DENND4C: variants seen among roughly 807,000 people sequenced by gnomAD.
DENND4C encodes the protein DENN domain-containing protein 4C.
DENND4C carries 108 observed loss-of-function variants against 203.0 expected under a neutral mutation model. The observed-to-expected ratio is 0.53, with a 90% CI of 0.46 to 0.62. The LOEUF (loss-of-function observed/expected upper bound fraction) is 0.62, where lower values mean the gene tolerates loss of function less well. Ranked by LOEUF, DENND4C falls within the 20% of genes least tolerant of loss-of-function variation. The pLI, the probability that DENND4C is intolerant of heterozygous loss-of-function variation, is 0.00. For missense variants in DENND4C, 2,481 were observed against 2,301.2 expected, an observed-to-expected ratio of 1.08 and a Z score of -1.60; for synonymous variants, 871 against 792.4, an observed-to-expected ratio of 1.10 and a Z score of -1.67.
intron 10 of DENND4C, among the ~76,000 whole-genome samples, chr9:19,308,519 T>G (rs1840127887): frequency 6.6e-6 from 1 of 152,230 alleles, no homozygotes. Flanking sequence ...ATTGTTTGTC[T>G]TTTTCTTTTG....
intron 24 of DENND4C, among the ~76,000 whole-genome samples, chr9:19,351,626 G>A (rs181370634): frequency 2.2e-4 from 33 of 152,158 alleles, no homozygotes; most frequent in African/African-American, 7.9e-4. Context: ...GGGCAACACA[G>A]TGAAACCGTC....
chr9:19,282,049 A>C (rs1834154840), intron 2 of DENND4C, among the ~76,000 whole-genome samples: 1 of 152,180 alleles, frequency 6.6e-6, no homozygotes, highest in East Asian at 1.9e-4. Context: ...GTATACTACT[A>C]TAGACTTTAG....
At position 19,371,743 on chromosome 9, in the gene DENND4C, ATTTG is replaced by A; in HGVS notation, c.5676-9_5676-6del. The A allele has an allele frequency of 7.5e-7, 1 of 1,339,160 alleles. No individual in the cohort carries two copies. Among genetic ancestry groups the A allele is most frequent in the Non-Finnish European group, 1.0e-6 (1 of 955,178 alleles). 83.0% of individuals were successfully genotyped at this position (1,339,160 alleles called of 1,614,324 possible). On this transcript the variant is annotated splice_polypyrimidine_tract_variant and intron_variant, in intron 31 of 32. Coordinates refer to ENST00000434457, the MANE Select transcript of DENND4C (RefSeq NM_001330640.2). ...ATTTGCCCATTGACTTTTAAAACAT[ATTTG>A]TTTTATAGGAGTTTATACAGAGAAA... is the stretch of plus-strand genomic sequence containing the variant.
chr9:19,262,444 A>C (rs906399370), intron 1 of DENND4C, among the ~76,000 whole-genome samples: 1 of 121,412 alleles, frequency 8.2e-6, no homozygotes, highest in South Asian at 2.7e-4. Context: ...CAAATATATC[A>C]TATCTTTTTT....
At chr9:19,247,360 G>A (rs1164288418) in intron 1 of DENND4C, among the ~76,000 whole-genome samples, 1 of 152,150 alleles carries the variant, frequency 6.6e-6, no homozygotes, top group Non-Finnish European at 1.5e-5. Context: ...GCCTTGACAT[G>A]CCTTGACATC....
At chr9:19,310,533 A>G (rs575974122) in intron 10 of DENND4C, among the ~76,000 whole-genome samples, 20 of 152,226 alleles carry the variant, frequency 1.3e-4, no homozygotes, top group Non-Finnish European at 2.1e-4. Context: ...AAAGCCTAAA[A>G]TATTTACTGT....
At chr9:19,342,901 C>G (rs1466813217) in intron 22 of DENND4C, 122 bp downstream of exon 22, 2 of 743,744 alleles carry the variant, frequency 2.7e-6, no homozygotes, top group African/African-American at 1.8e-5. Context: ...CCAGAAGGGA[C>G]TTTTGAATTC....
chr9:19,269,948 C>T (rs538360995), intron 1 of DENND4C, among the ~76,000 whole-genome samples: 4 of 152,242 alleles, frequency 2.6e-5, no homozygotes, highest in African/African-American at 9.6e-5. Flanking sequence ...GATCTAAGTC[C>T]TTGGTCTCTA....
intron 1 of DENND4C, among the ~76,000 whole-genome samples, chr9:19,237,289 G>A (rs1822215260): frequency 6.6e-6 from 1 of 152,218 alleles, no homozygotes; most frequent in South Asian, 2.1e-4. Flanking sequence ...AGAGTGCTGG[G>A]ATTACAGGCG....
chr9:19,304,278 G>A (rs1402724243), intron 9 of DENND4C, among the ~76,000 whole-genome samples: 6 of 149,402 alleles, frequency 4.0e-5, no homozygotes, highest in African/African-American at 7.4e-5. Flanking sequence ...TCTGCCTCCC[G>A]GGTTCAAGCG....
At position 19,305,287 on chromosome 9, in the gene DENND4C, A is replaced by G; in HGVS notation, c.1312-65A>G. 3.6e-6 allele frequency: 5 copies of G among 1,381,960 alleles called. No individual in the cohort carries two copies. The South Asian group carries it at 4.1e-5, about 11-fold the overall frequency. 85.6% of individuals were successfully genotyped at this position (1,381,960 alleles called of 1,614,324 possible). A position where few individuals can be genotyped will look rare whatever the true frequency, so the allele number is the denominator to read the frequency against. On this transcript the variant is annotated intron_variant, in intron 9 of 32. Transcript: ENST00000434457. ...TCAGTGGTCCCTTTTCAGTAATACT[A>G]GTTACTTATATATTTTTTATTGCAA...
rs1332365737 is a variant in DENND4C at position 19,352,485 on chromosome 9, T to C, written c.4606-5T>C. On this transcript the variant is annotated splice_polypyrimidine_tract_variant and splice_region_variant and intron_variant, in intron 25 of 32. Transcript: ENST00000434457. Reference sequence around the variant, plus strand: ...TTCTCAGTGTCTGCATTTTTCTGTTTTTAGGTTTTGATGTCCAGTTGTTCA... The same window carrying C: ...TTCTCAGTGTCTGCATTTTTCTGTTCTTAGGTTTTGATGTCCAGTTGTTCA... 6.4e-7 allele frequency: 1 copy of C among 1,562,902 alleles called. No individual in the cohort carries two copies. Among genetic ancestry groups the C allele is most frequent in the South Asian group, 1.2e-5 (1 of 82,326 alleles).
Position 19,336,349 on chromosome 9 carries a change from G to C in DENND4C, c.2669G>C (p.Gly890Ala). The change falls in exon 19 of 33, where the codon GGC (glycine) becomes GCC (alanine). Residue 890 changes from glycine (G) to alanine (A), a missense_variant. By Grantham distance (60) the Gly-to-Ala change is moderately conservative. Around this residue, in one of 3 missense-constraint regions of DENND4C, gnomAD observed 2,289 missense variants for 2,113.3 expected, o/e 1.08. Coordinates refer to ENST00000434457, the MANE Select transcript of DENND4C (RefSeq NM_001330640.2). ...ACGAAGGTACGGAATGTGGTACGTG[G>C]CTTGGCACAGTTTAGGCAGCCGCTT... is the stretch of plus-strand genomic sequence containing the variant. ...LWTKVRNVVR[G>A]LAQFRQPLKK... 1 of 1,614,066 alleles carries C rather than the reference G, an allele frequency of 6.2e-7. No homozygotes were observed. Among genetic ancestry groups the C allele is most frequent in the Non-Finnish European group, 8.5e-7 (1 of 1,179,980 alleles).
chr9:19,357,788 T>G, intron 27 of DENND4C, 177 bp from the exon 28 acceptor site: 1 of 527,100 alleles, frequency 1.9e-6, no homozygotes, highest in Non-Finnish European at 3.3e-6. Context: ...CTCCATCCTG[T>G]TTTTCTGACC....
chr9:19,232,536 G>T (rs1462906305), intron 1 of DENND4C, among the ~76,000 whole-genome samples: 1 of 152,192 alleles, frequency 6.6e-6, no homozygotes, highest in Admixed American at 6.5e-5. Context: ...GAGAAATTTT[G>T]AAGTTGCATA....
chr9:19,252,285 A>G (rs1182526263), intron 1 of DENND4C, among the ~76,000 whole-genome samples: 2 of 152,180 alleles, frequency 1.3e-5, no homozygotes, highest in Non-Finnish European at 2.9e-5. Context: ...TTCCATGAGA[A>G]CAGCATGGGA....
chr9:19,314,648 A>G (rs938638240), intron 10 of DENND4C, among the ~76,000 whole-genome samples: 6 of 151,472 alleles, frequency 4.0e-5, no homozygotes, highest in African/African-American at 1.5e-4. Context: ...ACTTGCTTAG[A>G]AAAAAAAACT....
intron 1 of DENND4C, among the ~76,000 whole-genome samples, chr9:19,232,645 G>T (rs1025967564): frequency 2.0e-5 from 3 of 152,168 alleles, no homozygotes; most frequent in African/African-American, 4.8e-5. Flanking sequence ...TTTAGCTGAA[G>T]AAATTGGCAG....
intron 4 of DENND4C, among the ~76,000 whole-genome samples, chr9:19,289,206 G>A (rs1249619786): frequency 6.6e-6 from 1 of 152,142 alleles, no homozygotes; most frequent in Non-Finnish European, 1.5e-5. Flanking sequence ...CATTCTTACT[G>A]CACATTAAAG....
Sources: allele counts gnomAD v4.1 joint callset (sites outside exome capture counted in the v4.1 genomes callset), GRCh38; gene constraint gnomAD v4.1.1; regional missense constraint gnomAD v4.1.1; transcripts MANE v1.5; gene names NCBI Gene and HGNC (gene_info 2026-07-23, HGNC 2026-07-21).